UBR3: variants seen among roughly 807,000 people sequenced by gnomAD.
The protein encoded by UBR3 is E3 ubiquitin-protein ligase UBR3.
UBR3 carries 85 observed loss-of-function variants against 243.2 expected under a neutral mutation model. The ratio of observed to expected loss-of-function variants is 0.35; its 90% confidence interval spans 0.29 to 0.42. The LOEUF is 0.42. UBR3 is among the 10% of genes least tolerant of loss of function. The probability of loss-of-function intolerance (pLI) is 1.00; values close to 1 mark genes in which losing one functional copy is unlikely to be tolerated. For missense variants in UBR3, 1,686 were observed against 2,300.8 expected (o/e 0.73, Z 5.47); for synonymous variants, 748 against 799.8 (o/e 0.94, Z 1.09).
At chr2:170,054,627 T>C (rs1169931535) in intron 32 of UBR3, among the ~76,000 whole-genome samples, 1 of 152,162 alleles carries the variant, frequency 6.6e-6, no homozygotes, top group African/African-American at 2.4e-5. Flanking sequence ...GGGTCTGTGT[T>C]GCCCAGGCTT....
At chr2:170,039,330 C>T (rs144998712) in intron 31 of UBR3, among the ~76,000 whole-genome samples, 217 of 151,932 alleles carry the variant, frequency 1.4e-3, no homozygotes, top group Non-Finnish European at 2.7e-3. Context: ...CATTGTTGAT[C>T]ATGTGAAACT....
At chr2:169,841,837 C>T (rs568797522) in intron 1 of UBR3, among the ~76,000 whole-genome samples, 4 of 152,336 alleles carry the variant, frequency 2.6e-5, no homozygotes, top group East Asian at 3.9e-4. Context: ...GGCTCCTGTG[C>T]GGTCTGAGCT....
chr2:169,924,149 A>G lies in UBR3; in HGVS notation c.1998A>G (p.Leu666=). The G allele has an allele frequency of 6.5e-7, 1 of 1,547,906 alleles. No individual in the cohort carries two copies. Among genetic ancestry groups the G allele is most frequent in the Non-Finnish European group, 8.7e-7 (1 of 1,145,908 alleles). ...CAGATCAGGAAATGTTAATGAAACT[A>G]ATGATTCACCCACTCCAAATTCAAG... The part of the protein sequence containing the change: ...VLPDQEMLMK[L]MIHPLQIQAS... The change falls in exon 13 of 39, where the codon CTA becomes CTG. Residue 666 remains leucine, a synonymous_variant. Coordinates refer to ENST00000272793, the MANE Select transcript of UBR3 (RefSeq NM_172070.4).
At chr2:169,898,962 A>G (rs2084703824) in intron 8 of UBR3, among the ~76,000 whole-genome samples, 1 of 151,328 alleles carries the variant, frequency 6.6e-6, no homozygotes, top group Non-Finnish European at 1.5e-5. Flanking sequence ...CGGCCTCCCA[A>G]AGTGCTGGGA....
At chr2:170,051,504 C>T (rs907587426) in intron 32 of UBR3, among the ~76,000 whole-genome samples, 4 of 152,024 alleles carry the variant, frequency 2.6e-5, no homozygotes, top group Non-Finnish European at 5.9e-5. Context: ...GCCACCACGC[C>T]CGACTAATTT....
chr2:170,040,926 A>G lies in UBR3; in HGVS notation c.4601A>G (p.His1534Arg), dbSNP rs1405139050. The G allele has an allele frequency of 6.2e-7, 1 of 1,613,578 alleles. No individual in the cohort carries two copies. The highest frequency in any genetic ancestry group is 1.1e-5 in the South Asian group (1 of 91,072). The change falls in exon 32 of 39, where the codon CAT becomes CGT. Residue 1534 changes from histidine (H) to arginine (R), a missense_variant. Around this residue, in one of 8 missense-constraint regions of UBR3, gnomAD observed 371 missense variants for 422.5 expected, o/e 0.88. Coordinates refer to ENST00000272793, the MANE Select transcript of UBR3 (RefSeq NM_172070.4). Reference protein sequence around the residue: ...EQQPEVPILYHDVTSLLLIQI... With the variant: ...EQQPEVPILYRDVTSLLLIQI... ...CAGCCTGAGGTTCCAATTCTTTATC[A>G]TGATGTAACATCCCTTTTGCTCATC...
At chr2:169,881,580 A>G (rs968296158) in intron 5 of UBR3, among the ~76,000 whole-genome samples, 1 of 144,956 alleles carries the variant, frequency 6.9e-6, no homozygotes, top group Non-Finnish European at 1.5e-5. Flanking sequence ...TTTGAAGTAG[A>G]GTTGTTTAGC....
chr2:169,841,356 G>C (rs1293325889), intron 1 of UBR3, among the ~76,000 whole-genome samples: 1 of 151,810 alleles, frequency 6.6e-6, no homozygotes, highest in Non-Finnish European at 1.5e-5. Context: ...GTAGTGAGAG[G>C]TGACAGCGTG....
At chr2:169,908,276 G>A (rs368960882) in intron 10 of UBR3, among the ~76,000 whole-genome samples, 3 of 152,078 alleles carry the variant, frequency 2.0e-5, no homozygotes, top group African/African-American at 7.2e-5. Context: ...ATATGCAGTG[G>A]GACCTGTGTA....
intron 30 of UBR3, among the ~76,000 whole-genome samples, chr2:170,018,719 G>A (rs2090313119): frequency 6.6e-6 from 1 of 152,194 alleles, no homozygotes; most frequent in Non-Finnish European, 1.5e-5. Flanking sequence ...GAGGTTTAGA[G>A]TTTTTGTTAC....
intron 1 of UBR3, among the ~76,000 whole-genome samples, chr2:169,855,995 TGGG>T (rs1036888328): frequency 2.8e-5 from 4 of 140,534 alleles, no homozygotes; most frequent in African/African-American, 5.4e-5. Flanking sequence ...ACCTCCCAGA[TGGG>T]GGGGCTGCCA....
chr2:169,922,533 G>A (rs919080131), intron 11 of UBR3, among the ~76,000 whole-genome samples: 4 of 151,788 alleles, frequency 2.6e-5, no homozygotes, highest in African/African-American at 7.3e-5. Flanking sequence ...TTGTATTGTC[G>A]TGCAGCCAAT....
Position 170,080,541 on chromosome 2 carries a change from T to G in UBR3, c.5410-4T>G. ...AGTTCATTAATATATTTTTAATTTT[T>G]TAGCACTCTCAGAACTGTGGTGCAG... On this transcript the variant is annotated splice_region_variant and splice_polypyrimidine_tract_variant and intron_variant, in intron 37 of 38. Transcript: ENST00000272793. 1 of 1,597,762 alleles carries G rather than the reference T, an allele frequency of 6.3e-7. No homozygotes were observed. Among genetic ancestry groups the G allele is most frequent in the Non-Finnish European group, 8.5e-7 (1 of 1,172,354 alleles).
At chr2:169,969,197 T>C (rs1197109779) in intron 24 of UBR3, among the ~76,000 whole-genome samples, 1 of 152,214 alleles carries the variant, frequency 6.6e-6, no homozygotes, top group African/African-American at 2.4e-5. Context: ...CTAGCTGATA[T>C]AACCCCATTT....
At chr2:169,944,789 A>G (rs1176835076) in intron 20 of UBR3, among the ~76,000 whole-genome samples, 1 of 152,086 alleles carries the variant, frequency 6.6e-6, no homozygotes, top group Non-Finnish European at 1.5e-5. Flanking sequence ...AATTTAATTG[A>G]ATTTAGCTGG....
intron 24 of UBR3, among the ~76,000 whole-genome samples, chr2:169,986,164 A>G (rs1260203741): frequency 6.6e-6 from 1 of 152,184 alleles, no homozygotes; most frequent in Non-Finnish European, 1.5e-5. Context: ...TATTTCTGAG[A>G]TATAATCACT....
At chr2:169,980,544 C>T (rs954264736) in intron 24 of UBR3, among the ~76,000 whole-genome samples, 2 of 151,636 alleles carry the variant, frequency 1.3e-5, no homozygotes, top group African/African-American at 2.4e-5. Context: ...TTTATTTGTT[C>T]GTTCATTTAT....
intron 24 of UBR3, among the ~76,000 whole-genome samples, chr2:169,975,663 C>T (rs376546363): frequency 6.6e-6 from 1 of 152,010 alleles, no homozygotes; most frequent in African/African-American, 2.4e-5. Flanking sequence ...GTTGTATCCT[C>T]TTGTCTGGGT....
intron 31 of UBR3, among the ~76,000 whole-genome samples, chr2:170,032,275 C>T (rs1320280501): frequency 6.6e-6 from 1 of 152,016 alleles, no homozygotes; most frequent in East Asian, 1.9e-4. Context: ...AAAACAAAAA[C>T]AAAAACAGTC....
Sources: gnomAD v4.1 joint callset for allele counts (sites outside exome capture counted in the v4.1 genomes callset) on GRCh38, gnomAD v4.1.1 for gene constraint, gnomAD v4.1.1 regional missense constraint, MANE v1.5 for transcripts, NCBI Gene and HGNC (gene_info 2026-07-23, HGNC 2026-07-21) for gene names.